Variants in PLCD4 observed in about 807,000 individuals in gnomAD.
The protein encoded by PLCD4 is phospholipase C delta 4.
A neutral mutation model predicts 90.2 loss-of-function variants in PLCD4; 63 were observed. That is an observed-to-expected ratio of 0.70 (90% confidence interval 0.57 to 0.86). PLCD4 has a LOEUF of 0.86. PLCD4 is among the 40% of genes least tolerant of loss of function. The pLI is 0.00. For missense variants in PLCD4, 830 were observed against 956.3 expected, an observed-to-expected ratio of 0.87 and a Z score of 1.74; for synonymous variants, 294 against 356.5, an observed-to-expected ratio of 0.82 and a Z score of 1.97.
intron 6 of PLCD4, among the ~76,000 whole-genome samples, chr2:218,625,316 A>G (rs1016688096): frequency 6.6e-6 from 1 of 151,914 alleles, no homozygotes; most frequent in Non-Finnish European, 1.5e-5. Context: ...AAAAAAAAGA[A>G]AGAAAAAAGA....
Position 218,629,573 on chromosome 2 carries a change from C to A in PLCD4, c.1029C>A (p.Ser343Arg), listed in dbSNP as rs550691262. ...CVEVDVWDGP[S>R]GEPVVYHGHT... ...AGGTGGATGTATGGGATGGACCTAG[C>A]GGGGAACCTGTCGTTTACCACGGAC... The change falls in exon 8 of 16, where the codon AGC (serine) becomes AGA (arginine). Residue 343 changes from serine (S) to arginine (R), a missense_variant. By Grantham distance (110) the Ser-to-Arg change is moderately radical. Coordinates refer to ENST00000450993, the MANE Select transcript of PLCD4 (RefSeq NM_032726.4). The A allele has an allele frequency of 6.2e-7, 1 of 1,613,598 alleles. No homozygotes were observed. Among genetic ancestry groups the A allele is most frequent in the Admixed American group, 1.7e-5 (1 of 59,974 alleles).
intron 6 of PLCD4, 60 bp downstream of exon 6, chr2:218,622,938 C>T: frequency 6.9e-7 from 1 of 1,453,368 alleles, no homozygotes; most frequent in South Asian, 1.2e-5. Flanking sequence ...GACATGATTA[C>T]AAGGTCCAGA....
intron 6 of PLCD4, among the ~76,000 whole-genome samples, chr2:218,624,948 TA>T (rs1185428222): frequency 3.3e-5 from 5 of 150,730 alleles, no homozygotes; most frequent in Admixed American, 3.3e-4. Flanking sequence ...CCATCTCCAC[TA>T]AAAACACAAA....
At position 218,615,866 on chromosome 2, in the gene PLCD4, C is replaced by T. The variant is rs368734341; in HGVS notation, c.23-38C>T. ...GAGCTCTCCCTGGGCCTGCTACCCT[C>T]TCTGCTGGCTACCTAACCCCTGCTT... is the stretch of plus-strand genomic sequence containing the variant. On this transcript the variant is annotated intron_variant, in intron 2 of 15. Coordinates refer to ENST00000450993, the MANE Select transcript of PLCD4 (RefSeq NM_032726.4). 1.1e-5 allele frequency: 17 copies of T among 1,611,390 alleles called. No homozygotes were observed. The African/African-American group carries it at 1.9e-4, about 18-fold the overall frequency.
At chr2:218,616,919 TATATATATAGAGAGAGAGAGAG>T (rs1695617096) in intron 3 of PLCD4, among the ~76,000 whole-genome samples, 2 of 25,154 alleles carry the variant, frequency 8.0e-5, no homozygotes, top group African/African-American at 2.8e-4. Flanking sequence ...TATATATATA[TATATATATAGAGAGAGAGAGAG>T]AGAGAGAGAG....
chr2:218,632,396 A>C, intron 10 of PLCD4, 84 bp downstream of exon 10: 1 of 1,397,522 alleles, frequency 7.2e-7, no homozygotes, highest in Non-Finnish European at 9.5e-7. Flanking sequence ...AGAGCCGTGC[A>C]AGATGCAGGG....
At chr2:218,621,158 C>A (rs1222343661) in intron 4 of PLCD4, among the ~76,000 whole-genome samples, 1 of 152,190 alleles carries the variant, frequency 6.6e-6, no homozygotes, top group Non-Finnish European at 1.5e-5. Context: ...TCTCGAAACT[C>A]CTGACCTCAT....
At chr2:218,629,762 T>A in intron 8 of PLCD4, 99 bp downstream of exon 8, 1 of 1,337,308 alleles carries the variant, frequency 7.5e-7, no homozygotes, top group South Asian at 1.4e-5. Context: ...CAGGGGAAGT[T>A]CCATCAAAAG....
At chr2:218,633,143 G>A in intron 10 of PLCD4, 2 of 519,270 alleles carry the variant, frequency 3.9e-6, no homozygotes, top group Non-Finnish European at 6.8e-6. Context: ...CCTTCCAGGT[G>A]TGACTTACAT....
At chr2:218,619,000 A>G in intron 4 of PLCD4, 193 bp downstream of exon 4, 1 of 596,614 alleles carries the variant, frequency 1.7e-6, no homozygotes, top group Non-Finnish European at 3.0e-6. Context: ...GCCAAGGATC[A>G]CATAGCCAGG....
chr2:218,635,738 G>A, intron 13 of PLCD4, 58 bp from the exon 14 acceptor site: 1 of 1,568,374 alleles, frequency 6.4e-7, no homozygotes, highest in Non-Finnish European at 8.7e-7. Context: ...GTTGGGAGTA[G>A]GGTCGGGTGG....
At chr2:218,611,437 T>A (rs1438416785) in intron 1 of PLCD4, among the ~76,000 whole-genome samples, 2 of 152,086 alleles carry the variant, frequency 1.3e-5, no homozygotes, top group African/African-American at 4.8e-5. Context: ...TAAGGGAAGG[T>A]AATGCAATCT....
chr2:218,623,414 T>G (rs1365379631), intron 6 of PLCD4, among the ~76,000 whole-genome samples: 1 of 152,222 alleles, frequency 6.6e-6, no homozygotes, highest in African/African-American at 2.4e-5. Context: ...GGAGGCCAGT[T>G]ATTTAGCTTT....
chr2:218,633,514 A>G (rs749897534), intron 10 of PLCD4, 91 bp from the exon 11 acceptor site: 1 of 1,428,692 alleles, frequency 7.0e-7, no homozygotes, highest in Non-Finnish European at 9.8e-7. Flanking sequence ...GTGGGGAGGC[A>G]GTGGGCAGAG....
intron 1 of PLCD4, among the ~76,000 whole-genome samples, chr2:218,613,495 C>A (rs1575012649): frequency 6.6e-6 from 1 of 150,682 alleles, no homozygotes; most frequent in African/African-American, 2.4e-5. Flanking sequence ...AGGTTCTTTG[C>A]TTACACAAAA....
chr2:218,627,703 G>GGGGTTTCACC (rs111325451), intron 6 of PLCD4, among the ~76,000 whole-genome samples: 6,986 of 152,014 alleles, frequency 0.046, 449 homozygotes, highest in African/African-American at 0.15. Context: ...TAGTAGAGAT[G>GGGGTTTCACC]GGGTTTCACC....
intron 6 of PLCD4, 32 bp downstream of exon 6, chr2:218,622,910 A>G (rs1958524303): frequency 1.3e-6 from 2 of 1,575,774 alleles, no homozygotes; most frequent in Middle Eastern, 1.7e-4. Flanking sequence ...GGCACCAGAC[A>G]TAGGGGTTGG....
chr2:218,633,372 A>G, intron 10 of PLCD4: 1 of 705,044 alleles, frequency 1.4e-6, no homozygotes, highest in Non-Finnish European at 2.6e-6. Flanking sequence ...CTTTATTCCC[A>G]TTCCCACCCC....
chr2:218,627,085 C>G (rs986243127), intron 6 of PLCD4, among the ~76,000 whole-genome samples: 47 of 151,192 alleles, frequency 3.1e-4, no homozygotes, highest in African/African-American at 1.1e-3. Context: ...AACCCTGTCT[C>G]TACTAAAAAT....
Sources: gnomAD v4.1 joint callset for allele counts (sites outside exome capture counted in the v4.1 genomes callset) on GRCh38, gnomAD v4.1.1 for gene constraint, MANE v1.5 for transcripts, NCBI Gene and HGNC (gene_info 2026-07-23, HGNC 2026-07-21) for gene names.